Variants in RGS7 observed in about 807,000 individuals in gnomAD.
RGS7 encodes regulator of G-protein signaling 7.
In RGS7, 27 loss-of-function variants were observed where a neutral mutation model predicts 81.1. The ratio of observed to expected loss-of-function variants is 0.33; its 90% confidence interval spans 0.25 to 0.46. The LOEUF is 0.46. Ranked by LOEUF, RGS7 falls within the 20% of genes least tolerant of loss-of-function variation. The pLI is 1.00. For synonymous variants in RGS7, 208 were observed against 207.7 expected, an observed-to-expected ratio of 1.00 and a Z score of -0.01; for missense variants, 396 against 607.4, an observed-to-expected ratio of 0.65 and a Z score of 3.66.
chr1:241,162,325 T>C (rs527979391), intron 2 of RGS7, among the ~76,000 whole-genome samples: 2 of 151,578 alleles, frequency 1.3e-5, no homozygotes, highest in East Asian at 3.9e-4. Context: ...CCAGGAACGC[T>C]CTGCTGGTAA....
chr1:240,789,959 A>G (rs1426335108), intron 18 of RGS7, among the ~76,000 whole-genome samples: 1 of 152,168 alleles, frequency 6.6e-6, no homozygotes, highest in Non-Finnish European at 1.5e-5. Flanking sequence ...GAACCTGCCG[A>G]CATGTGATAT....
chr1:241,073,077 A>G (rs1415661993), intron 3 of RGS7, among the ~76,000 whole-genome samples: 1 of 152,140 alleles, frequency 6.6e-6, no homozygotes, highest in Non-Finnish European at 1.5e-5. Flanking sequence ...AAACTGGTTC[A>G]TTAATCACAG....
chr1:241,349,413 A>G (rs1007556537), intron 2 of RGS7, among the ~76,000 whole-genome samples: 2 of 152,342 alleles, frequency 1.3e-5, no homozygotes, highest in Admixed American at 1.3e-4. Flanking sequence ...TTTCCAGACG[A>G]CAAAACAACA....
At chr1:240,869,776 C>T (rs1213014734) in intron 7 of RGS7, among the ~76,000 whole-genome samples, 1 of 151,936 alleles carries the variant, frequency 6.6e-6, no homozygotes, top group East Asian at 1.9e-4. Context: ...CCAGTCTCTA[C>T]TAAAAATACA....
chr1:241,125,813 T>G (rs1002259218), intron 2 of RGS7, among the ~76,000 whole-genome samples: 2 of 152,178 alleles, frequency 1.3e-5, no homozygotes, highest in African/African-American at 2.4e-5. Flanking sequence ...AGGCATACAT[T>G]AAATCCTTTT....
chr1:241,063,473 C>T lies in RGS7; in HGVS notation c.175+35193G>A, dbSNP rs989710269. ...CAGAGATTCAGAGCAGCACTACAGC[C>T]GCTCAGCATGTGAATCCCAAGAGGC... On this transcript the variant is annotated intron_variant, in intron 3 of 18. Transcript: ENST00000440928. Among the ~76,000 whole-genome samples the T allele has an allele frequency of 9.2e-5, 14 of 152,150 alleles. No individual in the cohort carries two copies. In the East Asian group the frequency reaches 1.3e-3, roughly 15 times the overall value.
intron 4 of RGS7, among the ~76,000 whole-genome samples, chr1:240,941,196 CAT>C (rs1378760760): frequency 6.6e-6 from 1 of 152,162 alleles, no homozygotes; most frequent in East Asian, 1.9e-4. Context: ...ACACACATTT[CAT>C]ATGTCAAGGT....
intron 6 of RGS7, among the ~76,000 whole-genome samples, chr1:240,927,320 C>A (rs1674625862): frequency 6.6e-6 from 1 of 152,208 alleles, no homozygotes; most frequent in South Asian, 2.1e-4. Context: ...CCACCTCAGC[C>A]TACCAATGTG....
chr1:241,280,804 A>G (rs1420124574), intron 2 of RGS7, among the ~76,000 whole-genome samples: 1 of 152,218 alleles, frequency 6.6e-6, no homozygotes, highest in Admixed American at 6.5e-5. Flanking sequence ...TGCACCTGGC[A>G]TGTGTGCAAG....
chr1:240,951,819 A>C (rs1283325786), intron 4 of RGS7, among the ~76,000 whole-genome samples: 1 of 152,020 alleles, frequency 6.6e-6, no homozygotes, highest in Non-Finnish European at 1.5e-5. Flanking sequence ...AAATAACAAA[A>C]AAATCTAAAT....
intron 18 of RGS7, among the ~76,000 whole-genome samples, chr1:240,792,033 T>G (rs1288063881): frequency 6.6e-6 from 1 of 152,350 alleles, no homozygotes; most frequent in South Asian, 2.1e-4. Context: ...CTATATCTCC[T>G]TGCTTTACTG....
At chr1:241,190,667 C>T (rs1022243756) in intron 2 of RGS7, among the ~76,000 whole-genome samples, 8 of 152,034 alleles carry the variant, frequency 5.3e-5, no homozygotes, top group Non-Finnish European at 1.2e-4. Flanking sequence ...TGTTTATCTT[C>T]TATCTTATGA....
chr1:240,786,601 T>TAC (rs1289912674), intron 18 of RGS7, among the ~76,000 whole-genome samples: 1 of 152,202 alleles, frequency 6.6e-6, no homozygotes, highest in Non-Finnish European at 1.5e-5. Flanking sequence ...CATATATATG[T>TAC]ACACACACAC....
Position 240,868,473 on chromosome 1 carries a change from T to G in RGS7, c.609+114A>C. 1.2e-6 allele frequency: 1 copy of G among 856,470 alleles called. No individual in the cohort carries two copies. 53.1% of individuals were successfully genotyped at this position (856,470 alleles called of 1,614,324 possible). A position where few individuals can be genotyped will look rare whatever the true frequency, so the allele number is the denominator to read the frequency against. ...TCTTTTCTTAATGAATTCACCAAGA[T>G]ACCATGGAGCGTGCATGGGGTCACT... On this transcript the variant is annotated intron_variant, in intron 9 of 18. Coordinates refer to ENST00000440928, the MANE Select transcript of RGS7 (RefSeq NM_001364886.1). This position sits in a 1 kb window ranked among gnomAD's most constrained non-coding sequence, Gnocchi z 5.1.
intron 2 of RGS7, among the ~76,000 whole-genome samples, chr1:241,302,087 A>C (rs573694184): frequency 1.3e-5 from 2 of 152,338 alleles, no homozygotes; most frequent in East Asian, 3.9e-4. Flanking sequence ...GACTTGAAGA[A>C]AGTGAGGAAG....
intron 4 of RGS7, among the ~76,000 whole-genome samples, chr1:240,968,369 A>T (rs933507145): frequency 6.6e-6 from 1 of 152,188 alleles, no homozygotes; most frequent in Non-Finnish European, 1.5e-5. Flanking sequence ...CCCGAAAATA[A>T]CACAAATCAC....
chr1:241,051,454 C>T (rs1241667623), intron 3 of RGS7, among the ~76,000 whole-genome samples: 1 of 136,636 alleles, frequency 7.3e-6, no homozygotes, highest in African/African-American at 2.8e-5. Flanking sequence ...AAAGGGATTG[C>T]AGAAGCCAAC....
chr1:240,993,131 GA>G (rs1220283662), intron 3 of RGS7, among the ~76,000 whole-genome samples: 3 of 144,680 alleles, frequency 2.1e-5, no homozygotes, highest in East Asian at 2.0e-4. Flanking sequence ...AGGAAGGAAG[GA>G]AGGAGGAAAG....
Position 241,118,326 on chromosome 1 carries a change from C to T in RGS7, c.79-19564G>A, listed in dbSNP as rs149130212. ...TCCTCCTCTGGCAACCATCTTATCT[C>T]ATTTTATTTAATGCCAAACCTCTTG... is the stretch of plus-strand genomic sequence containing the variant. On this transcript the variant is annotated intron_variant, in intron 2 of 18. Coordinates refer to ENST00000440928, the MANE Select transcript of RGS7 (RefSeq NM_001364886.1). Among the ~76,000 whole-genome samples the T allele has an allele frequency of 2.9e-3, 443 of 152,328 alleles. 2 individuals carry two copies. Among genetic ancestry groups the T allele is most frequent in the Non-Finnish European group, 5.2e-3 (352 of 68,022 alleles).
Sources: gnomAD v4.1 joint callset for allele counts (sites outside exome capture counted in the v4.1 genomes callset) on GRCh38, gnomAD v4.1.1 for gene constraint, Gnocchi (gnomAD v3.1) non-coding constraint, MANE v1.5 for transcripts, NCBI Gene and HGNC (gene_info 2026-07-23, HGNC 2026-07-21) for gene names.